Variants in SGCZ observed in about 807,000 individuals in gnomAD.
The protein encoded by SGCZ is zeta-sarcoglycan.
A neutral mutation model predicts 41.3 loss-of-function variants in SGCZ; 40 were observed. The observed-to-expected ratio is 0.97, with a 90% CI of 0.75 to 1.26. The LOEUF is 1.26. SGCZ is among the 50% of genes most tolerant of loss of function. SGCZ has a pLI of 0.00. For missense variants in SGCZ, 552 were observed against 369.8 expected (o/e 1.49, Z -4.04); for synonymous variants, 206 against 137.5 (o/e 1.50, Z -3.49).
chr8:14,256,846 T>C (rs148223269), intron 3 of SGCZ, among the ~76,000 whole-genome samples: 43 of 152,320 alleles, frequency 2.8e-4, no homozygotes, highest in Admixed American at 8.5e-4. Context: ...CTTACTTTAA[T>C]TACAGCTAAA....
intron 1 of SGCZ, among the ~76,000 whole-genome samples, chr8:14,659,864 T>G (rs11203650): frequency 0.59 from 89,673 of 151,970 alleles, 28,692 homozygotes; most frequent in African/African-American, 0.83. Flanking sequence ...CATACAGGAG[T>G]ACCTATTACA....
chr8:14,114,096 A>G (rs1802451656), intron 5 of SGCZ, among the ~76,000 whole-genome samples: 1 of 152,018 alleles, frequency 6.6e-6, no homozygotes, highest in African/African-American at 2.4e-5. Context: ...TTATCCAGTA[A>G]CTTACGACTT....
At chr8:14,433,651 A>G (rs528560761) in intron 2 of SGCZ, among the ~76,000 whole-genome samples, 1 of 151,988 alleles carries the variant, frequency 6.6e-6, no homozygotes, top group Non-Finnish European at 1.5e-5. Context: ...AAAAAAAAAT[A>G]AAAAAGGTGC....
At chr8:14,270,979 C>T (rs1036300771) in intron 3 of SGCZ, among the ~76,000 whole-genome samples, 52 of 152,050 alleles carry the variant, frequency 3.4e-4, no homozygotes, top group African/African-American at 1.0e-3. Context: ...TTCTCACTCA[C>T]AGGTGGGAAT....
At chr8:14,740,820 A>G (rs1318841794) in intron 1 of SGCZ, among the ~76,000 whole-genome samples, 5 of 152,028 alleles carry the variant, frequency 3.3e-5, no homozygotes, top group Non-Finnish European at 7.4e-5. Flanking sequence ...TTGCAAAAAA[A>G]CAGGTAGATG....
intron 4 of SGCZ, among the ~76,000 whole-genome samples, chr8:14,235,948 G>C (rs572410673): frequency 6.6e-6 from 1 of 152,176 alleles, no homozygotes; most frequent in Non-Finnish European, 1.5e-5. Flanking sequence ...CTCCCAAAGC[G>C]CTGGGATTAC....
intron 1 of SGCZ, among the ~76,000 whole-genome samples, chr8:14,746,982 T>C (rs1799355291): frequency 6.6e-6 from 1 of 152,232 alleles, no homozygotes; most frequent in African/African-American, 2.4e-5. Context: ...TGATACAGTT[T>C]ATTCTCTACA....
intron 1 of SGCZ, among the ~76,000 whole-genome samples, chr8:14,628,767 G>A (rs1350236804): frequency 6.6e-6 from 1 of 152,010 alleles, no homozygotes; most frequent in Non-Finnish European, 1.5e-5. Context: ...TTCACATCAA[G>A]GTCATTTATC....
intron 1 of SGCZ, among the ~76,000 whole-genome samples, chr8:15,037,030 CA>C (rs1230858849): frequency 6.6e-6 from 1 of 152,094 alleles, no homozygotes; most frequent in Non-Finnish European, 1.5e-5. Flanking sequence ...AAGCATTTGA[CA>C]AAACTGGACA....
intron 1 of SGCZ, among the ~76,000 whole-genome samples, chr8:14,726,510 G>T (rs1810062085): frequency 6.6e-6 from 1 of 151,460 alleles, no homozygotes; most frequent in African/African-American, 2.4e-5. Context: ...GATGGAAAAT[G>T]CTATTATGAT....
At chr8:15,205,166 G>A (rs777579318) in intron 1 of SGCZ, among the ~76,000 whole-genome samples, 3 of 152,102 alleles carry the variant, frequency 2.0e-5, no homozygotes, top group African/African-American at 2.4e-5. Context: ...GGAAAACAAC[G>A]AAGGCAATAC....
chr8:14,514,680 TAC>T (rs1222172008), intron 2 of SGCZ, among the ~76,000 whole-genome samples: 7 of 149,376 alleles, frequency 4.7e-5, no homozygotes, highest in Non-Finnish European at 1.0e-4. Context: ...TAAATATATA[TAC>T]GTATATATTT....
At chr8:14,884,207 T>A (rs917326285) in intron 1 of SGCZ, among the ~76,000 whole-genome samples, 78 of 152,230 alleles carry the variant, frequency 5.1e-4, no homozygotes, top group African/African-American at 1.8e-3. Flanking sequence ...AGTGTCTTGT[T>A]TAGAATCCAT....
chr8:14,372,693 G>A (rs1803957368), intron 2 of SGCZ, among the ~76,000 whole-genome samples: 1 of 152,120 alleles, frequency 6.6e-6, no homozygotes, highest in African/African-American at 2.4e-5. Context: ...GATATCTGGA[G>A]AAAACACAGT....
At chr8:14,712,671 G>C (rs1338982149) in intron 1 of SGCZ, among the ~76,000 whole-genome samples, 2 of 152,150 alleles carry the variant, frequency 1.3e-5, no homozygotes, top group South Asian at 4.1e-4. Context: ...GGGGGCCTTT[G>C]AGACAGTGCA....
Position 14,167,769 on chromosome 8 carries a change from T to C in SGCZ, c.425-3067A>G, listed in dbSNP as rs974231605. On this transcript the variant is annotated intron_variant, in intron 4 of 7. Coordinates refer to ENST00000382080, the MANE Select transcript of SGCZ (RefSeq NM_139167.4). ...GCCAATTTCTTGCTTCTCTCAGAGA[T>C]GGCTCCATCACTTTTTTTGAACATT... Among the ~76,000 whole-genome samples, 4 of 152,210 alleles carry C rather than the reference T, an allele frequency of 2.6e-5. No homozygotes were observed. In the East Asian group the frequency reaches 7.7e-4, roughly 29 times the overall value.
intron 2 of SGCZ, among the ~76,000 whole-genome samples, chr8:14,357,365 A>G (rs1323751859): frequency 1.3e-5 from 2 of 152,220 alleles, no homozygotes; most frequent in African/African-American, 4.8e-5. Flanking sequence ...AATAAGATAT[A>G]TTCCATGTTA....
At chr8:14,226,942 T>G (rs149410449) in intron 4 of SGCZ, among the ~76,000 whole-genome samples, 259 of 152,270 alleles carry the variant, frequency 1.7e-3, no homozygotes, top group Middle Eastern at 6.8e-3. Flanking sequence ...AAAACAGGTA[T>G]GGTCAATTTC....
intron 1 of SGCZ, among the ~76,000 whole-genome samples, chr8:14,934,671 A>T (rs1389363522): frequency 2.0e-5 from 3 of 151,850 alleles, no homozygotes; most frequent in Non-Finnish European, 4.4e-5. Flanking sequence ...GAAAAACAAA[A>T]TGTTAAGGGA....
Sources: gnomAD v4.1 joint callset for allele counts (sites outside exome capture counted in the v4.1 genomes callset) on GRCh38, gnomAD v4.1.1 for gene constraint, MANE v1.5 for transcripts, NCBI Gene and HGNC (gene_info 2026-07-23, HGNC 2026-07-21) for gene names.